Variants in MNDA observed in about 807,000 individuals in gnomAD.
MNDA encodes the protein epididymis secretory sperm binding protein.
In MNDA, 43 loss-of-function variants were observed where a neutral mutation model predicts 37.8. The observed-to-expected ratio is 1.14, with a 90% confidence interval of 0.89 to 1.47. MNDA has a LOEUF of 1.47. MNDA is among the 40% of genes most tolerant of loss of function. MNDA has a pLI of 0.00. For synonymous variants in MNDA, 181 were observed against 169.0 expected, an observed-to-expected ratio of 1.07 and a Z score of -0.55; for missense variants, 536 against 476.0, an observed-to-expected ratio of 1.13 and a Z score of -1.17.
At chr1:158,832,631 T>C (rs1658826417) in intron 1 of MNDA, among the ~76,000 whole-genome samples, 1 of 151,476 alleles carries the variant, frequency 6.6e-6, no homozygotes, top group Non-Finnish European at 1.5e-5. Context: ...TATATCTTTT[T>C]CCAAGTTGCA....
At chr1:158,845,222 GTTT>G (rs1659108478) in intron 4 of MNDA, among the ~76,000 whole-genome samples, 1 of 8,790 alleles carries the variant, frequency 1.1e-4, no homozygotes, top group African/African-American at 3.0e-4. Flanking sequence ...TTTTGTTGTT[GTTT>G]GTTTGTTTGT....
chr1:158,843,259 T>C lies in MNDA; in HGVS notation c.266-20T>C. The C allele has an allele frequency of 6.3e-7, 1 of 1,597,300 alleles. No homozygotes were observed. Among genetic ancestry groups the C allele is most frequent in the East Asian group, 2.3e-5 (1 of 44,328 alleles). ...ATTCCACTCTAGGCCTATTGTGCCC[T>C]TTTTCTTTTCTTTTGTCAGTTGCTA... On this transcript the variant is annotated intron_variant, in intron 2 of 6. Transcript: ENST00000368141.
At chr1:158,846,622 CAA>C (rs371927647) in intron 5 of MNDA, among the ~76,000 whole-genome samples, 1 of 148,290 alleles carries the variant, frequency 6.7e-6, no homozygotes, top group Non-Finnish European at 1.5e-5. Flanking sequence ...ATACTATTTA[CAA>C]AAAAAAAATA....
chr1:158,831,767 T>C (rs1467230406), intron 1 of MNDA, among the ~76,000 whole-genome samples: 2 of 152,192 alleles, frequency 1.3e-5, no homozygotes, highest in Non-Finnish European at 2.9e-5. Context: ...ATGTATTTTG[T>C]CTACAGCAGG....
At chr1:158,839,969 T>A (rs895184487) in intron 1 of MNDA, among the ~76,000 whole-genome samples, 9 of 152,174 alleles carry the variant, frequency 5.9e-5, no homozygotes, top group African/African-American at 2.2e-4. Flanking sequence ...AGATACAAAA[T>A]TTTAGTTTGA....
chr1:158,844,520 C>T lies in MNDA; in HGVS notation c.570+398C>T, dbSNP rs556958431. On this transcript the variant is annotated intron_variant, in intron 4 of 6. Coordinates refer to ENST00000368141, the MANE Select transcript of MNDA (RefSeq NM_002432.3). Reference sequence around the variant, plus strand: ...CAGGACACTGTGGAGAGAGGACATACGAGATAAACAAACTTGTCCTTTTTC... The same window carrying T: ...CAGGACACTGTGGAGAGAGGACATATGAGATAAACAAACTTGTCCTTTTTC... 7.4e-5 allele frequency among the ~76,000 whole-genome samples: 11 copies of T among 149,496 alleles called. 1 individual carries two copies. The highest frequency in any genetic ancestry group is 2.2e-4 in the African/African-American group (9 of 40,332).
At chr1:158,846,204 A>T (rs1193173681) in intron 5 of MNDA, among the ~76,000 whole-genome samples, 2 of 152,210 alleles carry the variant, frequency 1.3e-5, no homozygotes, top group South Asian at 2.1e-4. Context: ...GGACTTTGAA[A>T]AAAAGTTAGT....
intron 1 of MNDA, among the ~76,000 whole-genome samples, chr1:158,831,954 A>C (rs1209059844): frequency 1.3e-5 from 2 of 152,182 alleles, no homozygotes; most frequent in East Asian, 3.8e-4. Flanking sequence ...ACCAGGATAT[A>C]AATCTCTATT....
intron 1 of MNDA, among the ~76,000 whole-genome samples, chr1:158,840,025 C>T (rs1658998178): frequency 1.3e-5 from 2 of 152,146 alleles, no homozygotes; most frequent in South Asian, 4.1e-4. Flanking sequence ...TCACCTGAAA[C>T]CCCTGGGACA....
chr1:158,846,747 T>C (rs1659142579), intron 5 of MNDA, among the ~76,000 whole-genome samples: 1 of 152,198 alleles, frequency 6.6e-6, no homozygotes, highest in African/African-American at 2.4e-5. Flanking sequence ...TTCTATGAAC[T>C]CAACTAACAT....
chr1:158,841,112 C>T (rs1434783902), intron 1 of MNDA, among the ~76,000 whole-genome samples: 2 of 152,080 alleles, frequency 1.3e-5, no homozygotes, highest in African/African-American at 4.8e-5. Context: ...ATTAAAAACT[C>T]TAAGGAAGTA....
At position 158,842,149 on chromosome 1, in the gene MNDA, C is replaced by T. The variant is rs914988466; in HGVS notation, c.-5C>T. On this transcript the variant is annotated 5_prime_UTR_variant, in exon 2 of 7. Coordinates refer to ENST00000368141, the MANE Select transcript of MNDA (RefSeq NM_002432.3). ...TACTTTATAGGCCAAGCTATAACAT[C>T]AGAAATGGTGAATGAATACAAGAAA... 3 of 1,605,430 alleles carry T rather than the reference C, an allele frequency of 1.9e-6. No individual in the cohort carries two copies. The highest frequency in any genetic ancestry group is 2.6e-6 in the Non-Finnish European group (3 of 1,175,948).
intron 4 of MNDA, among the ~76,000 whole-genome samples, chr1:158,844,771 A>T (rs1442924144): frequency 6.9e-6 from 1 of 145,580 alleles, no homozygotes; most frequent in Admixed American, 7.3e-5. Context: ...GATCATTAGA[A>T]CATCTAATGA....
At chr1:158,842,451 G>A in intron 2 of MNDA, 33 bp downstream of exon 2, 1 of 1,578,046 alleles carries the variant, frequency 6.3e-7, no homozygotes, top group Non-Finnish European at 8.6e-7. Context: ...TAGCTACTCT[G>A]CCTTGAGTCT....
At chr1:158,838,014 T>C (rs1363070967) in intron 1 of MNDA, among the ~76,000 whole-genome samples, 2 of 151,970 alleles carry the variant, frequency 1.3e-5, no homozygotes, top group African/African-American at 2.4e-5. Flanking sequence ...ACATATTTTA[T>C]GTTAATATTA....
chr1:158,840,308 T>A (rs1302124352), intron 1 of MNDA, among the ~76,000 whole-genome samples: 2 of 152,146 alleles, frequency 1.3e-5, no homozygotes, highest in African/African-American at 4.8e-5. Flanking sequence ...AGATTTGATT[T>A]ACTCACAGTT....
At chr1:158,842,045 G>C in intron 1 of MNDA, 89 bp from the exon 2 acceptor site, 1 of 1,155,060 alleles carries the variant, frequency 8.7e-7, no homozygotes, top group Admixed American at 2.4e-5. Context: ...CAACATTTTG[G>C]CCTGGGACAC....
Position 158,847,818 on chromosome 1 carries a change from A to G in MNDA, c.1078A>G (p.Lys360Glu). ...GGGGAGTGGAAAATGGCACAATATCAAGTGTGAGAAAGGAGATAAACTTCG... is the reference window on the plus strand; with the variant it reads ...GGGGAGTGGAAAATGGCACAATATCGAGTGTGAGAAAGGAGATAAACTTCG... ...VVGSGKWHNIKCEKGDKLRLF... is the reference protein window; with the variant it reads ...VVGSGKWHNIECEKGDKLRLF... The change falls in exon 6 of 7, where the codon AAG (lysine) becomes GAG (glutamate). Residue 360 changes from lysine (K) to glutamate (E), a missense_variant. Coordinates refer to ENST00000368141, the MANE Select transcript of MNDA (RefSeq NM_002432.3). The G allele has an allele frequency of 6.2e-7, 1 of 1,613,966 alleles. No individual in the cohort carries two copies. The highest frequency in any genetic ancestry group is 8.5e-7 in the Non-Finnish European group (1 of 1,179,830).
intron 5 of MNDA, among the ~76,000 whole-genome samples, chr1:158,846,340 T>A (rs116620720): frequency 0.013 from 1,933 of 152,298 alleles, 51 homozygotes; most frequent in African/African-American, 0.044. Context: ...CACTGATAAT[T>A]TTACTGTGAG....
Sources: allele counts gnomAD v4.1 joint callset (sites outside exome capture counted in the v4.1 genomes callset), GRCh38; gene constraint gnomAD v4.1.1; transcripts MANE v1.5; gene names NCBI Gene and HGNC (gene_info 2026-07-23, HGNC 2026-07-21).